FNDC3B: variants seen among roughly 807,000 people sequenced by gnomAD.
The protein encoded by FNDC3B is fibronectin type III domain containing 3B, also known as fibronectin type III domain-containing protein 3B.
In FNDC3B, 12 loss-of-function variants were observed where a neutral mutation model predicts 151.5. The observed-to-expected ratio is 0.08, with a 90% CI of 0.05 to 0.13. The LOEUF (loss-of-function observed/expected upper bound fraction) is 0.13, where lower values mean the gene tolerates loss of function less well. FNDC3B is among the 10% of genes least tolerant of loss of function. FNDC3B has a pLI of 1.00. For synonymous variants in FNDC3B, 528 were observed against 549.0 expected (o/e 0.96, Z 0.54); for missense variants, 1,214 against 1,505.3 (o/e 0.81, Z 3.20).
At chr3:172,083,505 G>A (rs548024774) in intron 1 of FNDC3B, among the ~76,000 whole-genome samples, 6 of 152,310 alleles carry the variant, frequency 3.9e-5, no homozygotes, top group African/African-American at 1.4e-4. Flanking sequence ...TTTGAGAAAT[G>A]GCCTTGATAC....
chr3:172,367,945 A>C (rs929910321), intron 23 of FNDC3B, among the ~76,000 whole-genome samples: 9 of 152,208 alleles, frequency 5.9e-5, no homozygotes, highest in Non-Finnish European at 1.3e-4. Context: ...CCTTTTGGCC[A>C]GCAAAATTGG....
At chr3:172,239,056 T>TTA (rs1553776671) in intron 4 of FNDC3B, among the ~76,000 whole-genome samples, 2 of 90,656 alleles carry the variant, frequency 2.2e-5, no homozygotes, top group African/African-American at 1.9e-4. Context: ...TTAATTTATT[T>TTA]TTTTTTTTTT....
At position 172,109,644 on chromosome 3, in the gene FNDC3B, G is replaced by A. The variant is rs907145684; in HGVS notation, c.-28-2808G>A. Among the ~76,000 whole-genome samples, 5 of 152,208 alleles carry A rather than the reference G, an allele frequency of 3.3e-5. No individual in the cohort carries two copies. The South Asian group carries it at 1.0e-3, about 32-fold the overall frequency. Reference sequence around the variant, plus strand: ...GAATTGAAACTTAGGAGTGTATGATGTTCATATGTTCCCACTTGATCTTTC... The same window carrying A: ...GAATTGAAACTTAGGAGTGTATGATATTCATATGTTCCCACTTGATCTTTC... On this transcript the variant is annotated intron_variant, in intron 1 of 25. Transcript: ENST00000415807.
At chr3:172,391,487 A>C (rs1312104385) in intron 25 of FNDC3B, among the ~76,000 whole-genome samples, 1 of 152,234 alleles carries the variant, frequency 6.6e-6, no homozygotes, top group Non-Finnish European at 1.5e-5. Flanking sequence ...AGTCTGCTTA[A>C]TGCTTCCGAG....
At chr3:172,252,342 A>G (rs1233402141) in intron 6 of FNDC3B, among the ~76,000 whole-genome samples, 1 of 152,054 alleles carries the variant, frequency 6.6e-6, no homozygotes, top group Non-Finnish European at 1.5e-5. Context: ...AAATGACTGG[A>G]AAACAAAGAC....
At chr3:172,328,111 C>G (rs1022961697) in intron 11 of FNDC3B, among the ~76,000 whole-genome samples, 1 of 152,284 alleles carries the variant, frequency 6.6e-6, no homozygotes, top group Non-Finnish European at 1.5e-5. Context: ...GAACCTAATA[C>G]GAGACCCCAC....
At chr3:172,350,394 G>T (rs1733801416) in intron 21 of FNDC3B, among the ~76,000 whole-genome samples, 1 of 152,126 alleles carries the variant, frequency 6.6e-6, no homozygotes, top group South Asian at 2.1e-4. Context: ...CTGTGATATG[G>T]TGATACAAAG....
At chr3:172,119,383 C>CAAA (rs5854460) in intron 2 of FNDC3B, among the ~76,000 whole-genome samples, 1 of 131,918 alleles carries the variant, frequency 7.6e-6, no homozygotes, top group African/African-American at 2.8e-5. Context: ...TGTGGCCTAC[C>CAAA]AAAAAAAAAA....
chr3:172,165,560 A>G (rs1176265136), intron 3 of FNDC3B, among the ~76,000 whole-genome samples: 1 of 152,216 alleles, frequency 6.6e-6, no homozygotes, highest in African/African-American at 2.4e-5. Flanking sequence ...AATAATTGCA[A>G]TATCTTATAA....
At chr3:172,267,839 C>T (rs1180712093) in intron 6 of FNDC3B, among the ~76,000 whole-genome samples, 1 of 152,158 alleles carries the variant, frequency 6.6e-6, no homozygotes, top group African/African-American at 2.4e-5. Context: ...AAAGCTGGTA[C>T]TCATTGGATA....
At chr3:172,160,405 T>C (rs1722709056) in intron 3 of FNDC3B, among the ~76,000 whole-genome samples, 1 of 152,246 alleles carries the variant, frequency 6.6e-6, no homozygotes, top group East Asian at 1.9e-4. Flanking sequence ...ACCAGCCTGC[T>C]ACTAGGACTG....
At chr3:172,322,237 C>T (rs1441255465) in intron 11 of FNDC3B, among the ~76,000 whole-genome samples, 1 of 152,230 alleles carries the variant, frequency 6.6e-6, no homozygotes, top group Non-Finnish European at 1.5e-5. Context: ...TTTTCACTCA[C>T]AAGTCTAGCA....
intron 4 of FNDC3B, among the ~76,000 whole-genome samples, chr3:172,246,340 A>T (rs780597114): frequency 2.0e-5 from 3 of 152,176 alleles, no homozygotes; most frequent in Non-Finnish European, 4.4e-5. Flanking sequence ...CCTAGAGGCC[A>T]TCTCTCAGCT....
chr3:172,332,413 A>G (rs1175678475), intron 13 of FNDC3B, among the ~76,000 whole-genome samples: 2 of 152,224 alleles, frequency 1.3e-5, no homozygotes, highest in Admixed American at 6.5e-5. Flanking sequence ...ATAGCACTTA[A>G]CACCATGTGA....
intron 23 of FNDC3B, among the ~76,000 whole-genome samples, chr3:172,377,369 A>T (rs545330934): frequency 4.6e-5 from 7 of 152,356 alleles, no homozygotes; most frequent in Admixed American, 2.0e-4. Context: ...TGGATGACTT[A>T]TGGGAAGTTA....
intron 3 of FNDC3B, among the ~76,000 whole-genome samples, chr3:172,223,197 T>G (rs1276684968): frequency 6.6e-6 from 1 of 152,160 alleles, no homozygotes; most frequent in African/African-American, 2.4e-5. Context: ...ACTCACAGAT[T>G]GGGAAATAAA....
intron 25 of FNDC3B, among the ~76,000 whole-genome samples, chr3:172,382,032 T>C (rs1230320354): frequency 6.6e-6 from 1 of 152,210 alleles, no homozygotes; most frequent in African/African-American, 2.4e-5. Context: ...TCTAGATCCT[T>C]GAGGAATTGC....
rs181280723 is a variant in FNDC3B, at chr3:172,121,263, C to G, written c.111+8673C>G. Among the ~76,000 whole-genome samples the G allele has an allele frequency of 2.1e-3, 326 of 152,290 alleles. 1 individual carries two copies. Among genetic ancestry groups the G allele is most frequent in the African/African-American group, 7.6e-3 (314 of 41,560 alleles). ...TTTTTCAGGCATGTGCATTGTGTAT[C>G]AAACTGATAATGTGTTTTAAAATCT... On this transcript the variant is annotated intron_variant, in intron 2 of 25. Coordinates refer to ENST00000415807, the MANE Select transcript of FNDC3B (RefSeq NM_022763.4).
At chr3:172,225,393 A>G in intron 3 of FNDC3B, 3 of 201,826 alleles carry the variant, frequency 1.5e-5, no homozygotes, top group Non-Finnish European at 3.2e-5. Flanking sequence ...GGCTGGTCTC[A>G]AACTCCTGGG....
Sources: allele counts gnomAD v4.1 joint callset (sites outside exome capture counted in the v4.1 genomes callset), GRCh38; gene constraint gnomAD v4.1.1; transcripts MANE v1.5; gene names NCBI Gene and HGNC (gene_info 2026-07-23, HGNC 2026-07-21).